The following TMTC4 variants were observed in gnomAD, a reference collection of about 807,000 sequenced individuals.
TMTC4 encodes transmembrane O-mannosyltransferase targeting cadherins 4.
TMTC4 carries 65 observed loss-of-function variants against 86.0 expected under a neutral mutation model. That is an observed-to-expected ratio of 0.76 (90% CI 0.62 to 0.93). The LOEUF (loss-of-function observed/expected upper bound fraction) is 0.93. Ranked by LOEUF, TMTC4 falls within the 40% of genes least tolerant of loss-of-function variation. The pLI is 0.00. For synonymous variants in TMTC4, 379 were observed against 382.5 expected (o/e 0.99, Z 0.11); for missense variants, 866 against 948.1 (o/e 0.91, Z 1.14).
chr13:100,630,063 G>A lies in TMTC4; in HGVS notation c.1507-3913C>T, dbSNP rs1380721303. Among the ~76,000 whole-genome samples the A allele has an allele frequency of 3.8e-3, 541 of 144,122 alleles. 1 individual carries two copies. The highest frequency in any genetic ancestry group is 0.014 in the African/African-American group (515 of 36,480). The allele number at this position is 144,122 out of a possible 152,430, so 94.5% of individuals were successfully genotyped here. Reference sequence around the variant, plus strand: ...TGTGTGTGTGTGTGTGTGTGTGTGTGTGTATGTGTGTGTGTGTGTTTATAG... The same window carrying A: ...TGTGTGTGTGTGTGTGTGTGTGTGTATGTATGTGTGTGTGTGTGTTTATAG... On this transcript the variant is annotated intron_variant, in intron 12 of 18. Coordinates refer to ENST00000342624, the MANE Select transcript of TMTC4 (RefSeq NM_032813.5).
chr13:100,621,747 C>A (rs1430407272), intron 15 of TMTC4, among the ~76,000 whole-genome samples: 2 of 152,172 alleles, frequency 1.3e-5, no homozygotes, highest in African/African-American at 4.8e-5. Flanking sequence ...CTTATGAATA[C>A]CAAGTCTCAT....
chr13:100,622,558 A>C (rs1405326061), intron 15 of TMTC4, among the ~76,000 whole-genome samples: 5 of 152,058 alleles, frequency 3.3e-5, no homozygotes, highest in Non-Finnish European at 5.9e-5. Flanking sequence ...TATAAGGGGA[A>C]ACCTCTTTTG....
In TMTC4 at chr13:100,668,743, T is replaced by G. The variant is rs1355758105; in HGVS notation, c.55A>C (p.Arg19=). 1.9e-6 allele frequency: 3 copies of G among 1,614,230 alleles called. No individual in the cohort carries two copies. The highest frequency in any genetic ancestry group is 2.5e-6 in the Non-Finnish European group (3 of 1,180,052). The change falls in exon 3 of 19, where the codon AGA becomes CGA. Residue 19 remains arginine (R), a synonymous_variant. Transcript: ENST00000342624. ...AAATCAGTGTCCAACACGGCCATTCTGAAAACTGCAGGTTGGTGGCTCCCG... is the reference window on the plus strand; with the variant it reads ...AAATCAGTGTCCAACACGGCCATTCGGAAAACTGCAGGTTGGTGGCTCCCG... ...GAGSHQPAVF[R]MAVLDTDLDH... is the part of the protein sequence containing the mutation.
chr13:100,672,494 C>T (rs569494735), intron 1 of TMTC4, among the ~76,000 whole-genome samples: 143 of 152,302 alleles, frequency 9.4e-4, no homozygotes, highest in African/African-American at 3.2e-3. Flanking sequence ...CTCTACATCC[C>T]TTCCCCCCTT....
intron 17 of TMTC4, among the ~76,000 whole-genome samples, chr13:100,612,085 C>A (rs530272918): frequency 6.6e-6 from 1 of 152,368 alleles, no homozygotes; most frequent in African/African-American, 2.4e-5. Context: ...CCTCCTCCTG[C>A]ACCAGCCTGC....
intron 5 of TMTC4, among the ~76,000 whole-genome samples, chr13:100,659,374 C>A (rs1356405822): frequency 6.6e-6 from 1 of 152,188 alleles, no homozygotes; most frequent in Non-Finnish European, 1.5e-5. Context: ...CTTGGGCAGT[C>A]CTCCTGCCTC....
At chr13:100,644,279 A>C (rs1023421411) in intron 6 of TMTC4, among the ~76,000 whole-genome samples, 1 of 151,428 alleles carries the variant, frequency 6.6e-6, no homozygotes, top group Non-Finnish European at 1.5e-5. Context: ...AATTTTTTGT[A>C]TTTTTAGTAG....
intron 15 of TMTC4, chr13:100,614,823 A>T (rs1043258318): frequency 6.4e-6 from 4 of 621,994 alleles, no homozygotes; most frequent in Non-Finnish European, 8.0e-6. Context: ...AAGCCTCATC[A>T]TTAGTCTTTT....
In TMTC4 at chr13:100,630,033, G is replaced by A. The variant is rs946723126; in HGVS notation, c.1507-3883C>T. 8.4e-4 allele frequency among the ~76,000 whole-genome samples: 81 copies of A among 96,376 alleles called. 1 individual carries two copies. The highest frequency in any genetic ancestry group is 1.8e-3 in the Admixed American group (15 of 8,184). 63.2% of individuals were successfully genotyped at this position (96,376 alleles called of 152,430 possible). A position where few individuals can be genotyped will look rare whatever the true frequency, so the allele number is the denominator to read the frequency against. On this transcript the variant is annotated intron_variant, in intron 12 of 18. Coordinates refer to ENST00000342624, the MANE Select transcript of TMTC4 (RefSeq NM_032813.5). ...AGCCACCCAATCTGTGTGTATGTGT[G>A]TGTGTGTGTGTGTGTGTGTGTGTGT...
rs750050599 is a variant in TMTC4 at position 100,668,570 on chromosome 13, G to C, written c.219+9C>G. 1 of 1,613,016 alleles carries C rather than the reference G, an allele frequency of 6.2e-7. No individual in the cohort carries two copies. The highest frequency in any genetic ancestry group is 1.3e-5 in the African/African-American group (1 of 74,900). On this transcript the variant is annotated intron_variant, in intron 3 of 18. Coordinates refer to ENST00000342624, the MANE Select transcript of TMTC4 (RefSeq NM_032813.5). ...GTTAAGTTTACCAGAAAAGAGTTGA[G>C]ATACAAACCTTATTGTTAACAATAG...
intron 1 of TMTC4, among the ~76,000 whole-genome samples, chr13:100,672,883 C>T (rs1320354335): frequency 6.6e-6 from 1 of 152,184 alleles, no homozygotes; most frequent in Non-Finnish European, 1.5e-5. Flanking sequence ...GGTCCCTCTT[C>T]TCCACATGAT....
intron 5 of TMTC4, among the ~76,000 whole-genome samples, chr13:100,661,125 T>C (rs1274442949): frequency 6.6e-6 from 1 of 152,256 alleles, no homozygotes; most frequent in Non-Finnish European, 1.5e-5. Flanking sequence ...TGAATGGATG[T>C]CATGGTGGGG....
chr13:100,624,754 A>G (rs1483387509), intron 15 of TMTC4, among the ~76,000 whole-genome samples: 1 of 152,242 alleles, frequency 6.6e-6, no homozygotes, highest in East Asian at 1.9e-4. Context: ...GATGTATTCC[A>G]GTTTGGTTAG....
chr13:100,634,484 C>CT (rs903922717), intron 12 of TMTC4, among the ~76,000 whole-genome samples: 1 of 152,076 alleles, frequency 6.6e-6, no homozygotes, highest in Non-Finnish European at 1.5e-5. Context: ...CACCCTCAGT[C>CT]TGAATACGCA....
rs562001605 is a variant in TMTC4, at chr13:100,607,695, G to A, written c.2065-1268C>T. On this transcript the variant is annotated intron_variant, in intron 17 of 18. Coordinates refer to ENST00000342624, the MANE Select transcript of TMTC4 (RefSeq NM_032813.5). ...ACCACCAGTTCCTTTGCCCTGTATG[G>A]CCTGTGGTACCCCTGAGAAATTGGC... is the stretch of plus-strand genomic sequence containing the variant. Among the ~76,000 whole-genome samples, 16 of 152,186 alleles carry A rather than the reference G, an allele frequency of 1.1e-4. No homozygotes were observed. The East Asian group carries it at 3.1e-3, about 29-fold the overall frequency.
At chr13:100,659,512 T>C (rs950193176) in intron 5 of TMTC4, among the ~76,000 whole-genome samples, 1 of 152,016 alleles carries the variant, frequency 6.6e-6, no homozygotes, top group Non-Finnish European at 1.5e-5. Flanking sequence ...CCCCAACACT[T>C]TGAGGAAAAC....
intron 12 of TMTC4, among the ~76,000 whole-genome samples, chr13:100,630,243 C>T (rs1430007260): frequency 1.3e-5 from 2 of 152,152 alleles, no homozygotes; most frequent in African/African-American, 4.8e-5. Context: ...CTTCGTCAAA[C>T]ATACTTAGAT....
At chr13:100,612,895 A>G (rs910236742) in intron 16 of TMTC4, among the ~76,000 whole-genome samples, 3 of 152,222 alleles carry the variant, frequency 2.0e-5, no homozygotes, top group Admixed American at 2.0e-4. Context: ...TGAAGTATAC[A>G]TTCTATATTT....
intron 5 of TMTC4, among the ~76,000 whole-genome samples, chr13:100,659,730 A>T (rs1372823910): frequency 6.6e-6 from 1 of 151,192 alleles, no homozygotes. Flanking sequence ...CATTAGAAAA[A>T]CAGAGACATT....
Sources: gnomAD v4.1 joint callset for allele counts (sites outside exome capture counted in the v4.1 genomes callset) on GRCh38, gnomAD v4.1.1 for gene constraint, MANE v1.5 for transcripts, NCBI Gene and HGNC (gene_info 2026-07-23, HGNC 2026-07-21) for gene names.